SLC71A2: variants seen among roughly 807,000 people sequenced by gnomAD.
The protein encoded by SLC71A2 is hippocampus abundant transcript-like 1.
the SLC71A2 span, among the ~76,000 whole-genome samples, chr9:94,391,886 A>G: frequency 6.6e-6 from 1 of 152,074 alleles, no homozygotes; most frequent in East Asian, 1.9e-4. Flanking sequence ...GTCCAAAAAA[A>G]ATTTTTTTTT....
chr9:94,428,593 C>G, the SLC71A2 span, among the ~76,000 whole-genome samples: 362 of 134,556 alleles, frequency 2.7e-3, 10 homozygotes, highest in Non-Finnish European at 6.5e-4. Context: ...TATGCATACC[C>G]CCCCCCCTTT....
chr9:94,424,727 C>CTTTTTTTTTTTTTT, the SLC71A2 span, among the ~76,000 whole-genome samples: 9 of 91,818 alleles, frequency 9.8e-5, no homozygotes, highest in Admixed American at 1.3e-4. Context: ...TTGTTTTCTG[C>CTTTTTTTTTTTTTT]TTTTTTTTTT....
At chr9:94,437,836 C>T in the SLC71A2 span, among the ~76,000 whole-genome samples, 15 of 146,506 alleles carry the variant, frequency 1.0e-4, no homozygotes, top group South Asian at 4.5e-4. Context: ...ATCATGTCAT[C>T]GCTCTTTTCT....
chr9:94,378,164 T>A, the SLC71A2 span, among the ~76,000 whole-genome samples: 3 of 150,484 alleles, frequency 2.0e-5, no homozygotes, highest in African/African-American at 7.3e-5. Context: ...GCTGTTTGCG[T>A]TGCTGTAAAG....
chr9:94,400,734 G>A, the SLC71A2 span, among the ~76,000 whole-genome samples: 1 of 152,136 alleles, frequency 6.6e-6, no homozygotes, highest in African/African-American at 2.4e-5. Context: ...TTTTCTAAAA[G>A]TTAACATGTA....
the SLC71A2 span, among the ~76,000 whole-genome samples, chr9:94,377,267 T>G: frequency 0.056 from 8,514 of 152,190 alleles, 336 homozygotes; most frequent in Middle Eastern, 0.13. Context: ...TTTTAATGTG[T>G]TGGAATTTCC....
chr9:94,408,870 C>G, the SLC71A2 span, among the ~76,000 whole-genome samples: 1 of 145,712 alleles, frequency 6.9e-6, no homozygotes, highest in African/African-American at 2.6e-5. Flanking sequence ...GTCACCCAGG[C>G]TGGATTGCAG....
chr9:94,434,694 TCTATTTCACTCCACC>T, the SLC71A2 span, among the ~76,000 whole-genome samples: 11 of 152,344 alleles, frequency 7.2e-5, no homozygotes, highest in Non-Finnish European at 1.3e-4. Flanking sequence ...ATTTCCTTGA[TCTATTTCACTCCACC>T]CTGTTAGCCA....
the SLC71A2 span, chr9:94,454,015 G>A: frequency 6.2e-7 from 1 of 1,614,000 alleles, no homozygotes; most frequent in African/African-American, 1.3e-5. Flanking sequence ...TGTCCTCCTT[G>A]GCTTGGGCTT....
the SLC71A2 span, among the ~76,000 whole-genome samples, chr9:94,390,913 A>G: frequency 6.6e-6 from 1 of 151,956 alleles, no homozygotes; most frequent in African/African-American, 2.4e-5. Context: ...TTTCTTCACA[A>G]GTTTAGACAA....
the SLC71A2 span, among the ~76,000 whole-genome samples, chr9:94,387,713 C>T: frequency 3.6e-3 from 550 of 152,206 alleles, 2 homozygotes; most frequent in Non-Finnish European, 5.7e-3. Context: ...TTTTGTTTTT[C>T]GTATTCAAGA....
chr9:94,409,179 T>G, the SLC71A2 span, among the ~76,000 whole-genome samples: 4 of 114,224 alleles, frequency 3.5e-5, no homozygotes, highest in African/African-American at 1.4e-4. Flanking sequence ...CACTCCCTTC[T>G]CCCAGACTGG....
the SLC71A2 span, among the ~76,000 whole-genome samples, chr9:94,421,394 GAC>G: frequency 6.6e-6 from 1 of 152,100 alleles, no homozygotes; most frequent in African/African-American, 2.4e-5. Context: ...TTTCTAATGT[GAC>G]AGTTTGGCCT....
At chr9:94,457,172 C>T in the SLC71A2 span, among the ~76,000 whole-genome samples, 1 of 152,004 alleles carries the variant, frequency 6.6e-6, no homozygotes, top group Non-Finnish European at 1.5e-5. Context: ...CGCCATGTTG[C>T]CCAGCCTGGT....
At chr9:94,397,664 T>A in the SLC71A2 span, among the ~76,000 whole-genome samples, 1 of 152,198 alleles carries the variant, frequency 6.6e-6, no homozygotes, top group East Asian at 1.9e-4. Flanking sequence ...TGTGACAGTT[T>A]CCTAGGCGCT....
chr9:94,411,255 A>G, the SLC71A2 span, among the ~76,000 whole-genome samples: 2 of 148,042 alleles, frequency 1.4e-5, no homozygotes, highest in African/African-American at 2.5e-5. Flanking sequence ...CTACTGCAAC[A>G]AGGCCAATCT....
the SLC71A2 span, among the ~76,000 whole-genome samples, chr9:94,423,802 C>G: frequency 6.6e-6 from 1 of 152,224 alleles, no homozygotes; most frequent in Admixed American, 6.5e-5. Flanking sequence ...GGCATCTTCA[C>G]CTGAATTCTT....
chr9:94,407,011 T>C, the SLC71A2 span, among the ~76,000 whole-genome samples: 2 of 152,096 alleles, frequency 1.3e-5, no homozygotes, highest in African/African-American at 4.8e-5. Context: ...GTTTCCAGCC[T>C]TTTTCCAGCC....
the SLC71A2 span, among the ~76,000 whole-genome samples, chr9:94,455,181 TGA>T: frequency 0.43 from 28,461 of 65,698 alleles, 9,845 homozygotes; most frequent in African/African-American, 0.78. Flanking sequence ...TTTTTTTTTT[TGA>T]GAGAGAGAGG....
Sources: allele counts gnomAD v4.1 joint callset (sites outside exome capture counted in the v4.1 genomes callset), GRCh38; gene constraint gnomAD v4.1.1; transcripts MANE v1.5; gene names NCBI Gene and HGNC (gene_info 2026-07-23, HGNC 2026-07-21).